Variants in DCDC2 observed in about 807,000 individuals in gnomAD.
DCDC2 encodes doublecortin domain-containing protein 2.
In DCDC2, 40 loss-of-function variants were observed where a neutral mutation model predicts 50.2. The ratio of observed to expected loss-of-function variants is 0.80; its 90% CI spans 0.62 to 1.04. The LOEUF (loss-of-function observed/expected upper bound fraction) is 1.04, where lower values mean the gene tolerates loss of function less well. Ranked by LOEUF, DCDC2 falls within the 50% of genes least tolerant of loss-of-function variation. DCDC2 has a pLI of 0.00. For missense variants in DCDC2, 570 were observed against 581.9 expected, an observed-to-expected ratio of 0.98 and a Z score of 0.21; for synonymous variants, 234 against 210.6, an observed-to-expected ratio of 1.11 and a Z score of -0.96.
In DCDC2 at chr6:24,346,158, A is replaced by C. The variant is rs1760250820; in HGVS notation, c.348+7411T>G. Among the ~76,000 whole-genome samples, 4 of 152,228 alleles carry C rather than the reference A, an allele frequency of 2.6e-5. 1 individual carries two copies. In the South Asian group the frequency reaches 8.3e-4, roughly 31 times the overall value. ...GCTCAAAAGAGACTCTGTCTAAAAA[A>C]AAAAAAAAAAAATGTATTTACTGCT... is the stretch of plus-strand genomic sequence containing the variant. On this transcript the variant is annotated intron_variant, in intron 2 of 9. Transcript: ENST00000378454.
intron 8 of DCDC2, among the ~76,000 whole-genome samples, chr6:24,197,139 A>C (rs1187455034): frequency 6.6e-6 from 1 of 152,120 alleles, no homozygotes; most frequent in Non-Finnish European, 1.5e-5. Flanking sequence ...AGCTTTTACC[A>C]ATCTGTTTCT....
At chr6:24,317,483 GACAA>G (rs1759693488) in intron 2 of DCDC2, among the ~76,000 whole-genome samples, 1 of 151,922 alleles carries the variant, frequency 6.6e-6, no homozygotes, top group Non-Finnish European at 1.5e-5. Context: ...TTATACTATA[GACAA>G]GAATGAACTC....
At chr6:24,305,794 A>AGGGG (rs60550308) in intron 2 of DCDC2, among the ~76,000 whole-genome samples, 14 of 151,884 alleles carry the variant, frequency 9.2e-5, no homozygotes, top group African/African-American at 3.2e-4. Context: ...TGGGAGGCCA[A>AGGGG]GGGGGGGTGG....
chr6:24,273,319 T>C (rs1367322951), intron 7 of DCDC2, among the ~76,000 whole-genome samples: 3 of 152,092 alleles, frequency 2.0e-5, no homozygotes, highest in Admixed American at 6.6e-5. Context: ...AGAAATTACA[T>C]CATGGGGACA....
chr6:24,267,369 G>A (rs117191782), intron 7 of DCDC2, among the ~76,000 whole-genome samples: 2,207 of 152,204 alleles, frequency 0.015, 17 homozygotes, highest in Middle Eastern at 0.044. Context: ...TTACTCTAAC[G>A]TGATTATTAT....
At chr6:24,304,522 C>T (rs561348576) in intron 2 of DCDC2, among the ~76,000 whole-genome samples, 141 of 152,130 alleles carry the variant, frequency 9.3e-4, no homozygotes, top group African/African-American at 3.1e-3. Context: ...AGGTAATGCA[C>T]GCACCTGAAC....
At chr6:24,353,414 A>C in intron 2 of DCDC2, 155 bp downstream of exon 2, 1 of 657,224 alleles carries the variant, frequency 1.5e-6, no homozygotes. Context: ...AATGATTCAA[A>C]GAAAGAATTA....
At chr6:24,305,109 C>G (rs948090499) in intron 2 of DCDC2, among the ~76,000 whole-genome samples, 1 of 152,144 alleles carries the variant, frequency 6.6e-6, no homozygotes, top group Non-Finnish European at 1.5e-5. Flanking sequence ...CTAAAACATG[C>G]TGTTTTGCTT....
At chr6:24,235,828 G>A (rs1246588982) in intron 7 of DCDC2, among the ~76,000 whole-genome samples, 1 of 152,120 alleles carries the variant, frequency 6.6e-6, no homozygotes, top group Non-Finnish European at 1.5e-5. Flanking sequence ...CAAGCTGAGA[G>A]CCAAATCAAG....
chr6:24,184,726 T>C (rs1761154205), intron 8 of DCDC2, among the ~76,000 whole-genome samples: 1 of 152,144 alleles, frequency 6.6e-6, no homozygotes, highest in Non-Finnish European at 1.5e-5. Flanking sequence ...ACTCCCGAAA[T>C]ACTGCAGTAC....
At chr6:24,336,422 C>T (rs1393254180) in intron 2 of DCDC2, among the ~76,000 whole-genome samples, 1 of 152,122 alleles carries the variant, frequency 6.6e-6, no homozygotes, top group Non-Finnish European at 1.5e-5. Context: ...AAACCCTAAA[C>T]ATGTGAAGAA....
chr6:24,265,835 G>C (rs1352090731), intron 7 of DCDC2, among the ~76,000 whole-genome samples: 1 of 151,292 alleles, frequency 6.6e-6, no homozygotes, highest in Non-Finnish European at 1.5e-5. Context: ...ATACCATAAT[G>C]ATGTATCTTA....
At chr6:24,246,103 G>C (rs1008013799) in intron 7 of DCDC2, among the ~76,000 whole-genome samples, 2 of 151,948 alleles carry the variant, frequency 1.3e-5, no homozygotes, top group African/African-American at 4.8e-5. Flanking sequence ...AGGGATTACA[G>C]GTATAAGCCA....
At chr6:24,311,302 C>A (rs544379979) in intron 2 of DCDC2, among the ~76,000 whole-genome samples, 2 of 152,144 alleles carry the variant, frequency 1.3e-5, no homozygotes, top group African/African-American at 4.8e-5. Flanking sequence ...TTATACAATA[C>A]TTTTTATAAA....
intron 8 of DCDC2, among the ~76,000 whole-genome samples, chr6:24,196,665 C>T (rs188021056): frequency 6.6e-6 from 1 of 152,144 alleles, no homozygotes. Context: ...TTTAGGTGAT[C>T]CAGACCACCT....
At chr6:24,198,194 T>A (rs938820156) in intron 8 of DCDC2, among the ~76,000 whole-genome samples, 3 of 152,158 alleles carry the variant, frequency 2.0e-5, no homozygotes, top group Non-Finnish European at 2.9e-5. Flanking sequence ...ACTGGCATTT[T>A]AAAAAAATGC....
In DCDC2 at chr6:24,172,379, T is replaced by C. The variant is rs1760798278; in HGVS notation, c.*2351A>G. On this transcript the variant is annotated 3_prime_UTR_variant, in exon 10 of 10. Transcript: ENST00000378454. ...TTTTAAGTTTTTTTGGTACAGTTATTGTGGCTTATTACCCCCTTGAAGTAT... is the reference window on the plus strand; with the variant it reads ...TTTTAAGTTTTTTTGGTACAGTTATCGTGGCTTATTACCCCCTTGAAGTAT... 6.6e-6 allele frequency: 1 copy of C among 152,210 alleles called. No homozygotes were observed. The highest frequency in any genetic ancestry group is 1.5e-5 in the Non-Finnish European group (1 of 68,042). 9.4% of individuals were successfully genotyped at this position (152,210 alleles called of 1,614,324 possible).
intron 2 of DCDC2, among the ~76,000 whole-genome samples, chr6:24,318,780 C>CGTGT (rs57175093): frequency 5.2e-4 from 78 of 149,674 alleles, no homozygotes; most frequent in East Asian, 3.5e-3. Context: ...TATATACGTA[C>CGTGT]GTGTGTGTGT....
chr6:24,198,487 T>C (rs1761499541), intron 8 of DCDC2, among the ~76,000 whole-genome samples: 1 of 152,210 alleles, frequency 6.6e-6, no homozygotes, highest in South Asian at 2.1e-4. Context: ...ATGCTACATT[T>C]TCCCCACAGT....
Sources: gnomAD v4.1 joint callset for allele counts (sites outside exome capture counted in the v4.1 genomes callset) on GRCh38, gnomAD v4.1.1 for gene constraint, MANE v1.5 for transcripts, NCBI Gene and HGNC (gene_info 2026-07-23, HGNC 2026-07-21) for gene names.